The following SCG5 variants were observed in gnomAD, a reference collection of about 807,000 sequenced individuals.
SCG5 encodes secretogranin V.
A neutral mutation model predicts 25.7 loss-of-function variants in SCG5; 18 were observed. That is an observed-to-expected ratio of 0.70 (90% CI 0.48 to 1.04). SCG5 has a LOEUF of 1.04. Among genes scored for constraint, SCG5 ranks in the 50% least tolerant of loss-of-function variants. The probability of loss-of-function intolerance (pLI) is 0.00; values close to 1 mark genes in which losing one functional copy is unlikely to be tolerated. For synonymous variants in SCG5, 101 were observed against 91.7 expected, an observed-to-expected ratio of 1.10 and a Z score of -0.58; for missense variants, 206 against 259.8, an observed-to-expected ratio of 0.79 and a Z score of 1.42.
intron 3 of SCG5, among the ~76,000 whole-genome samples, chr15:32,680,463 G>T (rs2054601013): frequency 6.6e-6 from 1 of 152,038 alleles, no homozygotes; most frequent in African/African-American, 2.4e-5. Context: ...CTCCCAAAGT[G>T]CTGGGATTAC....
intron 5 of SCG5, 28 bp from the exon 6 acceptor site, chr15:32,696,486 A>C: frequency 6.7e-7 from 1 of 1,502,128 alleles, no homozygotes; most frequent in Non-Finnish European, 9.2e-7. Context: ...ACACCAAACC[A>C]CATGGTTTTT....
intron 2 of SCG5, among the ~76,000 whole-genome samples, chr15:32,663,032 A>AATATATATAT (rs67571496): frequency 6.3e-4 from 50 of 79,250 alleles, no homozygotes; most frequent in Admixed American, 1.2e-3. Flanking sequence ...AAAAAAAAAG[A>AATATATATAT]ATATATATAT....
chr15:32,689,104 C>G (rs1333619787), intron 4 of SCG5, among the ~76,000 whole-genome samples: 1 of 152,106 alleles, frequency 6.6e-6, no homozygotes, highest in Non-Finnish European at 1.5e-5. Context: ...ATGATAGCTG[C>G]AAAATGATGA....
At chr15:32,651,822 G>A (rs900694379) in intron 2 of SCG5, among the ~76,000 whole-genome samples, 6 of 152,218 alleles carry the variant, frequency 3.9e-5, no homozygotes, top group Non-Finnish European at 7.3e-5. Context: ...TGAACACGAT[G>A]ACATGTTTGT....
At chr15:32,643,373 G>T (rs2140492881) in intron 1 of SCG5, among the ~76,000 whole-genome samples, 1 of 152,256 alleles carries the variant, frequency 6.6e-6, no homozygotes, top group South Asian at 2.1e-4. Context: ...GAGGGAATTG[G>T]ATACCTGCAA....
intron 2 of SCG5, among the ~76,000 whole-genome samples, chr15:32,664,661 A>G (rs1045083854): frequency 1.5e-4 from 23 of 152,298 alleles, no homozygotes; most frequent in African/African-American, 5.3e-4. Flanking sequence ...TCACTTCACT[A>G]TAAATCCACC....
chr15:32,660,296 CGA>C (rs1293692346), intron 2 of SCG5, among the ~76,000 whole-genome samples: 1 of 152,158 alleles, frequency 6.6e-6, no homozygotes, highest in Non-Finnish European at 1.5e-5. Context: ...GTGACTCTGA[CGA>C]GAGAGTTATC....
intron 2 of SCG5, among the ~76,000 whole-genome samples, 162 bp downstream of exon 2, chr15:32,643,980 TTTC>T (rs767264685): frequency 6.6e-5 from 10 of 152,362 alleles, no homozygotes; most frequent in Non-Finnish European, 7.3e-5. Flanking sequence ...TGGTTTTCCC[TTTC>T]TTCTTCTACA....
At chr15:32,668,331 A>G (rs1372296592) in intron 2 of SCG5, among the ~76,000 whole-genome samples, 1 of 152,270 alleles carries the variant, frequency 6.6e-6, no homozygotes, top group Non-Finnish European at 1.5e-5. Flanking sequence ...GAGGAATGGT[A>G]ATTAATTCAG....
intron 5 of SCG5, 84 bp downstream of exon 5, chr15:32,691,847 T>C (rs752523928): frequency 8.3e-6 from 13 of 1,561,606 alleles, no homozygotes; most frequent in Non-Finnish European, 1.1e-5. Context: ...CCTCGCTTGT[T>C]GGGAAGTCAC....
chr15:32,662,116 T>A (rs2054229667), intron 2 of SCG5, among the ~76,000 whole-genome samples: 1 of 152,106 alleles, frequency 6.6e-6, no homozygotes, highest in African/African-American at 2.4e-5. Context: ...CCATTTAGAG[T>A]TTTTCCAGTT....
chr15:32,655,059 A>G (rs2054092602), intron 2 of SCG5, among the ~76,000 whole-genome samples: 1 of 152,200 alleles, frequency 6.6e-6, no homozygotes, highest in Non-Finnish European at 1.5e-5. Context: ...CTGTAATCCC[A>G]GCACTTTGGG....
Position 32,648,810 on chromosome 15 carries a change from C to A in SCG5, c.226+4992C>A, listed in dbSNP as rs1179792276. ...AAAAAAAAACAGAGTCTCACTCTGTCCCCCAGGCTGGAGTGCAATGGTGCG... is the reference window on the plus strand; with the variant it reads ...AAAAAAAAACAGAGTCTCACTCTGTACCCCAGGCTGGAGTGCAATGGTGCG... On this transcript the variant is annotated intron_variant, in intron 2 of 5. Transcript: ENST00000300175. 2.7e-5 allele frequency among the ~76,000 whole-genome samples: 4 copies of A among 150,818 alleles called. No individual in the cohort carries two copies. The East Asian group carries it at 7.8e-4, about 29-fold the overall frequency.
At chr15:32,642,381 A>C (rs1258981113) in intron 1 of SCG5, among the ~76,000 whole-genome samples, 2 of 151,772 alleles carry the variant, frequency 1.3e-5, no homozygotes, top group African/African-American at 4.8e-5. Flanking sequence ...CAGCCTGACC[A>C]ATATGGTGAA....
At chr15:32,648,031 T>C (rs971566902) in intron 2 of SCG5, among the ~76,000 whole-genome samples, 3 of 152,168 alleles carry the variant, frequency 2.0e-5, no homozygotes, top group African/African-American at 7.2e-5. Flanking sequence ...TTCTTGCATA[T>C]CCATAGGCTT....
intron 2 of SCG5, among the ~76,000 whole-genome samples, chr15:32,651,806 G>A (rs2054034824): frequency 6.6e-6 from 1 of 152,226 alleles, no homozygotes; most frequent in Admixed American, 6.5e-5. Flanking sequence ...AAAAGGATAG[G>A]AAAGATGAAC....
chr15:32,678,836 A>G (rs1247033749), intron 2 of SCG5, among the ~76,000 whole-genome samples: 2 of 152,240 alleles, frequency 1.3e-5, no homozygotes, highest in East Asian at 1.9e-4. Flanking sequence ...GCCATTTATA[A>G]TTACAGGAAT....
intron 2 of SCG5, among the ~76,000 whole-genome samples, chr15:32,667,429 A>G (rs2054338090): frequency 6.6e-6 from 1 of 152,232 alleles, no homozygotes; most frequent in Non-Finnish European, 1.5e-5. Context: ...TGCCATTTTT[A>G]AGAATCAGAA....
At chr15:32,646,105 A>G (rs1030506249) in intron 2 of SCG5, among the ~76,000 whole-genome samples, 2 of 148,930 alleles carry the variant, frequency 1.3e-5, no homozygotes, top group African/African-American at 2.5e-5. Flanking sequence ...GTGAGCCACC[A>G]CACCCGGCCT....
Sources: allele counts gnomAD v4.1 joint callset (sites outside exome capture counted in the v4.1 genomes callset), GRCh38; gene constraint gnomAD v4.1.1; transcripts MANE v1.5; gene names NCBI Gene and HGNC (gene_info 2026-07-23, HGNC 2026-07-21).